Variants in TMBIM6 observed in about 807,000 individuals in gnomAD.
TMBIM6 encodes the protein transmembrane BAX inhibitor motif containing 6.
Under a neutral mutation model 31.4 loss-of-function variants are expected in TMBIM6, and 13 were observed. The observed-to-expected ratio is 0.41, with a 90% CI of 0.27 to 0.66. The LOEUF (loss-of-function observed/expected upper bound fraction) is 0.66. TMBIM6 is among the 30% of genes least tolerant of loss of function. The pLI is 0.28. For missense variants in TMBIM6, 275 were observed against 289.5 expected (o/e 0.95, Z 0.36); for synonymous variants, 85 against 101.7 (o/e 0.84, Z 0.99).
chr12:49,753,900 A>G (rs1373024902), intron 3 of TMBIM6, among the ~76,000 whole-genome samples: 1 of 149,434 alleles, frequency 6.7e-6, no homozygotes, highest in Non-Finnish European at 1.5e-5. Context: ...AAAATTTGTA[A>G]CCCCAAAATC....
chr12:49,747,593 G>A (rs185885354), intron 1 of TMBIM6, among the ~76,000 whole-genome samples: 82 of 152,358 alleles, frequency 5.4e-4, no homozygotes, highest in Non-Finnish European at 6.3e-4. Context: ...ACAGGTGTGA[G>A]ACATTGTGCA....
At chr12:49,761,362 T>C (rs1481154669) in intron 8 of TMBIM6, among the ~76,000 whole-genome samples, 1 of 152,144 alleles carries the variant, frequency 6.6e-6, no homozygotes, top group Non-Finnish European at 1.5e-5. Context: ...TACAGGCACA[T>C]GCCACAATGC....
Position 49,759,333 on chromosome 12 carries a change from A to AACT in TMBIM6, c.614+14_614+16dup, listed in dbSNP as rs2136959002. On this transcript the variant is annotated intron_variant, in intron 8 of 9. Coordinates refer to ENST00000267115, the MANE Select transcript of TMBIM6 (RefSeq NM_003217.3). ...CAAGATTATATCTGGTGAGTGTGGGAACTAGTCTTTAACAAGCATGAAGGT... is the reference window on the plus strand; with the variant it reads ...CAAGATTATATCTGGTGAGTGTGGGAACTACTAGTCTTTAACAAGCATGAAGGT... The AACT allele has an allele frequency of 6.2e-7, 1 of 1,604,764 alleles. No individual in the cohort carries two copies. The highest frequency in any genetic ancestry group is 2.2e-5 in the East Asian group (1 of 44,824).
At chr12:49,743,288 G>T (rs1945332183) in intron 1 of TMBIM6, 1 of 151,334 alleles carries the variant, frequency 6.6e-6, no homozygotes, top group Non-Finnish European at 1.5e-5. Context: ...AAGCTGGAGT[G>T]CAGTGGTGCA....
chr12:49,762,111 G>A (rs764564399), intron 9 of TMBIM6: 24 of 256,220 alleles, frequency 9.4e-5, no homozygotes, highest in Non-Finnish European at 1.6e-4. Context: ...AATTTCAGAA[G>A]TAGACTAATT....
In TMBIM6 at chr12:49,764,428, A is replaced by G. The variant is rs1945777608; in HGVS notation, c.*1532A>G. The stretch of plus-strand genomic sequence containing the variant: ...CTATCCTACGAAATCATTTGTTTCT[A>G]AGTTGTGTTTATTCCTGGAGTGACA... On this transcript the variant is annotated 3_prime_UTR_variant, in exon 10 of 10. Coordinates refer to ENST00000267115, the MANE Select transcript of TMBIM6 (RefSeq NM_003217.3). The G allele has an allele frequency of 6.6e-6, 1 of 152,266 alleles. No individual in the cohort carries two copies. Among genetic ancestry groups the G allele is most frequent in the Non-Finnish European group, 1.5e-5 (1 of 68,014 alleles). The allele number at this position is 152,266 out of a possible 1,614,324, so 9.4% of individuals were successfully genotyped here.
chr12:49,742,225 G>C, intron 1 of TMBIM6: 1 of 1,613,130 alleles, frequency 6.2e-7, no homozygotes, highest in South Asian at 1.1e-5. Flanking sequence ...GGCTGGGGCT[G>C]CCTTCCAGGC....
In TMBIM6 at chr12:49,764,130, C is replaced by T. The variant is rs1945771895; in HGVS notation, c.*1234C>T. On this transcript the variant is annotated 3_prime_UTR_variant, in exon 10 of 10. Coordinates refer to ENST00000267115, the MANE Select transcript of TMBIM6 (RefSeq NM_003217.3). The stretch of plus-strand genomic sequence containing the variant: ...TAGGCGACCAAACCAGTGAGAGCCC[C>T]AATCCCTGCAGTTTTGTGGCTTCAA... 1 of 152,288 alleles carries T rather than the reference C, an allele frequency of 6.6e-6. No homozygotes were observed. The highest frequency in any genetic ancestry group is 6.5e-5 in the Admixed American group (1 of 15,302). 9.4% of individuals were successfully genotyped at this position (152,288 alleles called of 1,614,324 possible).
intron 7 of TMBIM6, 32 bp from the exon 8 acceptor site, chr12:49,759,189 T>C (rs1565572639): frequency 6.3e-7 from 1 of 1,579,806 alleles, no homozygotes; most frequent in Admixed American, 1.7e-5. Context: ...CAACTTCTGC[T>C]GTATAGTAAC....
intron 1 of TMBIM6, chr12:49,743,588 G>A (rs957207756): frequency 6.6e-6 from 1 of 152,086 alleles, no homozygotes; most frequent in Non-Finnish European, 1.5e-5. Context: ...TAGATACTTA[G>A]CATTTTCAAG....
At chr12:49,741,805 C>T in intron 1 of TMBIM6, 194 bp downstream of exon 1, 1 of 324,612 alleles carries the variant, frequency 3.1e-6, no homozygotes, top group South Asian at 3.2e-5. Flanking sequence ...GCTGCGCGTG[C>T]GCAACAGTGC....
chr12:49,757,677 A>C (rs564633588), intron 4 of TMBIM6, among the ~76,000 whole-genome samples: 1 of 152,320 alleles, frequency 6.6e-6, no homozygotes, highest in African/African-American at 2.4e-5. Context: ...CTAGTTTTTG[A>C]AGGCATTAAG....
chr12:49,748,220 T>C (rs1020085427), intron 1 of TMBIM6, among the ~76,000 whole-genome samples: 1 of 151,968 alleles, frequency 6.6e-6, no homozygotes, highest in African/African-American at 2.4e-5. Context: ...TTTTGTTTTG[T>C]TTTGTTTTGT....
intron 1 of TMBIM6, among the ~76,000 whole-genome samples, chr12:49,747,466 A>C (rs935793722): frequency 6.6e-6 from 1 of 151,400 alleles, no homozygotes; most frequent in Non-Finnish European, 1.5e-5. Flanking sequence ...ACACCACCAC[A>C]CCCAGCTAAT....
At chr12:49,754,081 G>A (rs12314795) in intron 3 of TMBIM6, among the ~76,000 whole-genome samples, 31,918 of 151,996 alleles carry the variant, frequency 0.21, 5,533 homozygotes, top group African/African-American at 0.48. Context: ...TTCAGTTCTC[G>A]TATTGTAAAC....
In TMBIM6 at chr12:49,762,930, T is replaced by A. The variant is rs368576424; in HGVS notation, c.*34T>A. The A allele has an allele frequency of 6.2e-7, 1 of 1,607,830 alleles. No homozygotes were observed. Among genetic ancestry groups the A allele is most frequent in the Non-Finnish European group, 8.5e-7 (1 of 1,174,708 alleles). On this transcript the variant is annotated 3_prime_UTR_variant, in exon 10 of 10. Coordinates refer to ENST00000267115, the MANE Select transcript of TMBIM6 (RefSeq NM_003217.3). ...TCCAGCCTTTCCCAATTAGACTTCC[T>A]CTCCTTCCACCCCTCATTTCCTTTT...
chr12:49,744,690 CAG>C (rs2136926029), intron 1 of TMBIM6: 1 of 152,282 alleles, frequency 6.6e-6, no homozygotes, highest in South Asian at 2.1e-4. Flanking sequence ...GCTCTGCCCT[CAG>C]GGTGAGAAGT....
intron 7 of TMBIM6, 121 bp downstream of exon 7, chr12:49,758,883 T>G: frequency 1.2e-6 from 1 of 847,638 alleles, no homozygotes; most frequent in Non-Finnish European, 1.8e-6. Flanking sequence ...GCCTTCCCAT[T>G]ATCCTTCATA....
intron 8 of TMBIM6, among the ~76,000 whole-genome samples, chr12:49,759,649 A>G (rs1277705773): frequency 2.6e-5 from 4 of 152,146 alleles, no homozygotes; most frequent in South Asian, 2.1e-4. Context: ...TACTAAAAAT[A>G]TAAAAAAATT....
Sources: allele counts gnomAD v4.1 joint callset (sites outside exome capture counted in the v4.1 genomes callset), GRCh38; gene constraint gnomAD v4.1.1; transcripts MANE v1.5; gene names NCBI Gene and HGNC (gene_info 2026-07-23, HGNC 2026-07-21).